Variants in SLC39A9 observed in about 807,000 individuals in gnomAD.
SLC39A9 encodes zinc transporter ZIP9.
In SLC39A9, 14 loss-of-function variants were observed where a neutral mutation model predicts 28.4. The ratio of observed to expected loss-of-function variants is 0.49; its 90% CI spans 0.33 to 0.77. SLC39A9 has a LOEUF of 0.77. SLC39A9 is among the 30% of genes least tolerant of loss of function. SLC39A9 has a pLI of 0.02. For missense variants in SLC39A9, 283 were observed against 381.1 expected (o/e 0.74, Z 2.14); for synonymous variants, 119 against 149.6 (o/e 0.80, Z 1.49).
chr14:69,441,671 T>C (rs1885055215), intron 2 of SLC39A9, among the ~76,000 whole-genome samples: 2 of 152,254 alleles, frequency 1.3e-5, no homozygotes, highest in South Asian at 4.1e-4. Context: ...TGCAATTATT[T>C]TCATTGTTAC....
chr14:69,420,791 T>C (rs1219471902), intron 1 of SLC39A9, among the ~76,000 whole-genome samples: 1 of 152,246 alleles, frequency 6.6e-6, no homozygotes, highest in Non-Finnish European at 1.5e-5. Flanking sequence ...AATCAGCTAC[T>C]GAAGCTTGTG....
At chr14:69,412,657 T>A (rs1883339197) in intron 1 of SLC39A9, among the ~76,000 whole-genome samples, 1 of 152,138 alleles carries the variant, frequency 6.6e-6, no homozygotes, top group African/African-American at 2.4e-5. Flanking sequence ...ATTCTTTCAA[T>A]AAATATTTAG....
At chr14:69,407,411 C>T (rs926139595) in intron 1 of SLC39A9, among the ~76,000 whole-genome samples, 5 of 151,350 alleles carry the variant, frequency 3.3e-5, no homozygotes, top group Non-Finnish European at 7.4e-5. Flanking sequence ...GATCTTGACT[C>T]ACCATAACCT....
intron 1 of SLC39A9, among the ~76,000 whole-genome samples, chr14:69,413,207 T>A (rs1412189303): frequency 6.6e-6 from 1 of 151,930 alleles, no homozygotes; most frequent in Non-Finnish European, 1.5e-5. Context: ...ATACAAAAAA[T>A]AAGCCAGGCA....
At chr14:69,455,922 T>C (rs1267472975) in intron 6 of SLC39A9, 56 bp downstream of exon 6, 24 of 1,576,750 alleles carry the variant, frequency 1.5e-5, no homozygotes, top group Non-Finnish European at 2.1e-5. Flanking sequence ...TCTTAGAATT[T>C]ATGATCTCTT....
chr14:69,452,759 A>C (rs994063564), intron 3 of SLC39A9, among the ~76,000 whole-genome samples: 6 of 152,230 alleles, frequency 3.9e-5, no homozygotes, highest in Non-Finnish European at 7.3e-5. Context: ...GGGTGATGGC[A>C]ATAAAAATGT....
At chr14:69,430,633 T>TTC (rs1052780487) in intron 2 of SLC39A9, among the ~76,000 whole-genome samples, 3 of 150,644 alleles carry the variant, frequency 2.0e-5, no homozygotes, top group African/African-American at 7.3e-5. Context: ...TCTTTCTTTT[T>TTC]TTTTTTTTTT....
intron 1 of SLC39A9, among the ~76,000 whole-genome samples, chr14:69,416,933 C>T (rs1466142833): frequency 6.6e-6 from 1 of 152,164 alleles, no homozygotes; most frequent in Non-Finnish European, 1.5e-5. Context: ...CCTGTTCACT[C>T]TGATGGTAGT....
chr14:69,419,353 G>A (rs571028298), intron 1 of SLC39A9, among the ~76,000 whole-genome samples: 7 of 152,338 alleles, frequency 4.6e-5, no homozygotes, highest in African/African-American at 1.7e-4. Flanking sequence ...TGATTGCAGT[G>A]TGGTCTGAGA....
At chr14:69,402,524 G>A (rs1039674869) in intron 1 of SLC39A9, among the ~76,000 whole-genome samples, 2 of 151,978 alleles carry the variant, frequency 1.3e-5, no homozygotes, top group African/African-American at 4.8e-5. Context: ...CAGTAGTGGT[G>A]GGGTCTACCT....
intron 2 of SLC39A9, among the ~76,000 whole-genome samples, chr14:69,426,504 G>C (rs1438440880): frequency 1.3e-5 from 2 of 152,216 alleles, no homozygotes; most frequent in Admixed American, 1.3e-4. Flanking sequence ...TGGAGTTGGG[G>C]TGCGCCACCC....
chr14:69,457,484 A>C (rs1330846279), intron 6 of SLC39A9, among the ~76,000 whole-genome samples: 1 of 152,064 alleles, frequency 6.6e-6, no homozygotes, highest in East Asian at 1.9e-4. Flanking sequence ...TACAGGCATG[A>C]GCCACCACGC....
intron 1 of SLC39A9, among the ~76,000 whole-genome samples, chr14:69,415,336 G>T (rs1342548393): frequency 6.6e-6 from 1 of 152,140 alleles, no homozygotes; most frequent in Non-Finnish European, 1.5e-5. Context: ...GGTATGAAAA[G>T]GTATCTTGCA....
intron 1 of SLC39A9, among the ~76,000 whole-genome samples, chr14:69,401,987 G>T (rs1158478960): frequency 6.6e-6 from 1 of 152,016 alleles, no homozygotes; most frequent in East Asian, 1.9e-4. Flanking sequence ...TTTCATTCAC[G>T]GGGGACTGGA....
At position 69,399,141 on chromosome 14, in the gene SLC39A9, C is replaced by T; in HGVS notation, c.-229C>T. ...GCATCTGAGAACCCAGAGCCTGGGA[C>T]CTTAGATTGCTGTAAGCTTTCTCTG... On this transcript the variant is annotated 5_prime_UTR_variant, in exon 1 of 7. Coordinates refer to ENST00000336643, the MANE Select transcript of SLC39A9 (RefSeq NM_018375.5). The T allele has an allele frequency of 2.0e-6, 1 of 510,458 alleles. No individual in the cohort carries two copies. Among genetic ancestry groups the T allele is most frequent in the South Asian group, 2.6e-5 (1 of 38,564 alleles). 31.6% of individuals were successfully genotyped at this position (510,458 alleles called of 1,614,324 possible). A position where few individuals can be genotyped will look rare whatever the true frequency, so the allele number is the denominator to read the frequency against.
In SLC39A9 at chr14:69,461,650, AC is replaced by A; in HGVS notation, c.*3059del. On this transcript the variant is annotated 3_prime_UTR_variant, in exon 7 of 7. Coordinates refer to ENST00000336643, the MANE Select transcript of SLC39A9 (RefSeq NM_018375.5). Reference sequence around the variant, plus strand: ...GAAAATGTGATTGTGTTTTTTTTTTACCAGCCTACTTCTAAGTGTCACTGCC... The same window carrying A: ...GAAAATGTGATTGTGTTTTTTTTTTACAGCCTACTTCTAAGTGTCACTGCC... 6.6e-7 allele frequency: 1 copy of A among 1,524,106 alleles called. No individual in the cohort carries two copies. Among genetic ancestry groups the A allele is most frequent in the Non-Finnish European group, 8.8e-7 (1 of 1,140,760 alleles). 94.4% of individuals were successfully genotyped at this position (1,524,106 alleles called of 1,614,324 possible). A position where few individuals can be genotyped will look rare whatever the true frequency, so the allele number is the denominator to read the frequency against.
At chr14:69,438,494 G>C (rs1216982397) in intron 2 of SLC39A9, among the ~76,000 whole-genome samples, 1 of 152,014 alleles carries the variant, frequency 6.6e-6, no homozygotes. Context: ...GCTTTAATAA[G>C]CATTATTAAA....
intron 6 of SLC39A9, among the ~76,000 whole-genome samples, chr14:69,457,183 TACAC>T (rs1016972205): frequency 4.6e-5 from 7 of 151,766 alleles, no homozygotes; most frequent in East Asian, 3.9e-4. Context: ...TACATATATA[TACAC>T]ACACACACAC....
At position 69,442,159 on chromosome 14, in the gene SLC39A9, A is replaced by G. The variant is rs759600822; in HGVS notation, c.296A>G (p.His99Arg). ...GTTGTCCATGAACATGAGCACAGCC[A>G]CGACCACACACAGCTGCATGCCTAT... ...KSVVHEHEHS[H>R]DHTQLHAYIG... Residue 99 changes from histidine (H) to arginine (R), a missense_variant, in exon 3 of 7, where the codon CAC (histidine) becomes CGC (arginine). Transcript: ENST00000336643. The G allele has an allele frequency of 1.1e-5, 17 of 1,614,122 alleles. No homozygotes were observed. The East Asian group carries it at 3.8e-4, about 36-fold the overall frequency.
Sources: gnomAD v4.1 joint callset for allele counts (sites outside exome capture counted in the v4.1 genomes callset) on GRCh38, gnomAD v4.1.1 for gene constraint, MANE v1.5 for transcripts, NCBI Gene and HGNC (gene_info 2026-07-23, HGNC 2026-07-21) for gene names.